ANK3: variants seen among roughly 807,000 people sequenced by gnomAD.
ANK3 encodes the protein ankyrin 3, also known as ankyrin-3.
In ANK3, 57 loss-of-function variants were observed where a neutral mutation model predicts 370.9. The ratio of observed to expected loss-of-function variants is 0.15; its 90% CI spans 0.12 to 0.19. ANK3 has a LOEUF of 0.19. Among genes scored for constraint, ANK3 ranks in the 10% least tolerant of loss-of-function variants. The pLI is 1.00. For synonymous variants in ANK3, 1,929 were observed against 1,946.3 expected (o/e 0.99, Z 0.23); for missense variants, 4,439 against 5,302.1 (o/e 0.84, Z 5.06).
rs534347033 is a variant in ANK3 at position 60,508,797 on chromosome 10, C to T, written c.96+106389G>A. 5.9e-5 allele frequency among the ~76,000 whole-genome samples: 9 copies of T among 152,264 alleles called. No individual in the cohort carries two copies. The South Asian group carries it at 1.2e-3, about 21-fold the overall frequency. On this transcript the variant is annotated intron_variant, in intron 2 of 43. Transcript: ENST00000373827. ...CTTGAAAATAGAAGGTCCCTTCCCC[C>T]ACCTACAATCTATAAATTCTTTGAC...
Position 60,633,733 on chromosome 10 carries a change from A to G in ANK3, c.58-18509T>C, listed in dbSNP as rs1422576019. ...TTCTGGATAACTATAGGTGATATTT[A>G]CAAATATGCAACATGGTAAAGGAAA... On this transcript the variant is annotated intron_variant, in intron 1 of 43. Coordinates refer to the ANK3 transcript ENST00000373827. Among the ~76,000 whole-genome samples, 3 of 152,316 alleles carry G rather than the reference A, an allele frequency of 2.0e-5. No individual in the cohort carries two copies. In the East Asian group the frequency reaches 5.8e-4, roughly 29 times the overall value.
At chr10:60,044,261 T>C in intron 42 of ANK3, 1 of 984,960 alleles carries the variant, frequency 1.0e-6, no homozygotes, top group African/African-American at 1.8e-5. Context: ...TGAATGATGA[T>C]TACTTTTCTG....
At chr10:60,381,340 A>G (rs2061521644) in intron 1 of ANK3, among the ~76,000 whole-genome samples, 1 of 152,196 alleles carries the variant, frequency 6.6e-6, no homozygotes, top group African/African-American at 2.4e-5. Context: ...TGCCTCAGCA[A>G]TCATTTAGCT....
chr10:60,680,743 C>G (rs917378107), intron 1 of ANK3, among the ~76,000 whole-genome samples: 9 of 152,198 alleles, frequency 5.9e-5, no homozygotes, highest in South Asian at 2.1e-4. Flanking sequence ...GTTGATAAGA[C>G]AGCAGGGTGC....
At chr10:60,494,824 T>G (rs1170579362) in intron 2 of ANK3, among the ~76,000 whole-genome samples, 1 of 152,158 alleles carries the variant, frequency 6.6e-6, no homozygotes, top group African/African-American at 2.4e-5. Context: ...TAGCACAGAT[T>G]TGATGGTATA....
chr10:60,230,616 T>C lies in ANK3; in HGVS notation c.897+4072A>G, dbSNP rs556469361. 7.2e-5 allele frequency among the ~76,000 whole-genome samples: 11 copies of C among 152,172 alleles called. No homozygotes were observed. In the South Asian group the frequency reaches 2.3e-3, roughly 32 times the overall value. On this transcript the variant is annotated intron_variant, in intron 8 of 43. Transcript: ENST00000280772. ...AAACATGAAGGGTTTGGGGGCTGGG[T>C]GCGGTGGCTCACGCCTGTAATCCCA...
rs536449892 is a variant in ANK3, at chr10:60,069,313, C to A, written c.11568G>T (p.Leu3856Phe). ...VLGEQQKTKELIGIRQKSKLP... is the reference protein window; with the variant it reads ...VLGEQQKTKEFIGIRQKSKLP... The stretch of plus-strand genomic sequence containing the variant: ...GTTTGGATTTTTGCCTAATCCCTAT[C>A]AATTCCTTTGTTTTTTGCTGTTCTC... The change falls in exon 37 of 44, where the codon TTG becomes TTT. Residue 3856 changes from leucine (L) to phenylalanine (F), a missense_variant. This residue lies in a region of ANK3 where 496 missense variants were observed against 529.3 expected (regional missense o/e 0.94). Coordinates refer to ENST00000280772, the MANE Select transcript of ANK3 (RefSeq NM_020987.5). 4 of 1,614,074 alleles carry A rather than the reference C, an allele frequency of 2.5e-6. No individual in the cohort carries two copies. Among genetic ancestry groups the A allele is most frequent in the South Asian group, 2.2e-5 (2 of 91,078 alleles).
At chr10:60,657,112 G>T (rs192098632) in intron 1 of ANK3, among the ~76,000 whole-genome samples, 8 of 152,292 alleles carry the variant, frequency 5.3e-5, no homozygotes, top group Non-Finnish European at 1.0e-4. Context: ...CACATCTTAT[G>T]TTGATGGCAG....
intron 1 of ANK3, among the ~76,000 whole-genome samples, chr10:60,643,108 CTGGTGACAGACCGTGA>C (rs1413620680): frequency 2.0e-5 from 3 of 152,206 alleles, no homozygotes; most frequent in South Asian, 4.1e-4. Flanking sequence ...CTTCCTTGAC[CTGGTGACAGACCGTGA>C]TGGTTAATAG....
In ANK3 at chr10:60,070,102, G is replaced by A. The variant is rs1318010221; in HGVS notation, c.10779C>T (p.Thr3593=). The change falls in exon 37 of 44, where the codon ACC becomes ACT. Residue 3593 remains threonine (T), a synonymous_variant. Coordinates refer to ENST00000280772, the MANE Select transcript of ANK3 (RefSeq NM_020987.5). This position sits in a 1 kb window ranked among gnomAD's most constrained non-coding sequence, Gnocchi z 5.7. ...TPARTPTDES[T]PTSEPNPFPF... is the part of the protein sequence containing the mutation. ...GGAAGGGGTTAGGCTCACTAGTTGG[G>A]GTACTTTCATCAGTTGGCGTTCTGG... 1.9e-6 allele frequency: 3 copies of A among 1,614,126 alleles called. No individual in the cohort carries two copies. Among genetic ancestry groups the A allele is most frequent in the Non-Finnish European group, 2.5e-6 (3 of 1,179,994 alleles).
chr10:60,384,340 G>A (rs2061962262), intron 1 of ANK3, among the ~76,000 whole-genome samples: 1 of 152,148 alleles, frequency 6.6e-6, no homozygotes, highest in South Asian at 2.1e-4. Context: ...TTACTGCAGA[G>A]GGTAAGAAAA....
chr10:60,443,956 A>G (rs942466618), intron 2 of ANK3, among the ~76,000 whole-genome samples: 1 of 152,166 alleles, frequency 6.6e-6, no homozygotes, highest in Middle Eastern at 3.4e-3. Context: ...TACATTTACC[A>G]AGGTACCTTG....
chr10:60,451,573 T>C (rs916584748), intron 2 of ANK3, among the ~76,000 whole-genome samples: 5 of 152,192 alleles, frequency 3.3e-5, no homozygotes, highest in African/African-American at 1.2e-4. Context: ...AAATGTAAGC[T>C]TCACTTCCTA....
intron 9 of ANK3, among the ~76,000 whole-genome samples, chr10:60,209,354 A>C (rs1198375161): frequency 6.6e-6 from 1 of 152,206 alleles, no homozygotes; most frequent in Non-Finnish European, 1.5e-5. Context: ...TTTGCTCTGA[A>C]TTTATCAATG....
At chr10:60,258,332 G>A (rs1241573893) in intron 7 of ANK3, among the ~76,000 whole-genome samples, 2 of 152,008 alleles carry the variant, frequency 1.3e-5, no homozygotes, top group Non-Finnish European at 2.9e-5. Flanking sequence ...AGATCTCCAA[G>A]GATAATCCAA....
chr10:60,084,758 T>C lies in ANK3; in HGVS notation c.3918A>G (p.Ile1306Met), dbSNP rs764495480. 11 of 1,612,620 alleles carry C rather than the reference T, an allele frequency of 6.8e-6. No homozygotes were observed. The South Asian group carries it at 1.2e-4, about 18-fold the overall frequency. The change falls in exon 32 of 44, where the codon ATA becomes ATG. Residue 1306 changes from isoleucine to methionine, a missense_variant. Physicochemically the swap from Ile to Met is conservative, Grantham distance 10. This residue lies in a region of ANK3 where 702 missense variants were observed against 941.5 expected (regional missense o/e 0.75). Transcript: ENST00000280772. ...GLATQLYREL[I>M]CVPYMAKFVV... ...CAAACTTGGCCATATATGGAACACA[T>C]ATCAATTCTCTGTACAGTTGCGTGG...
intron 2 of ANK3, chr10:60,572,510 C>T (rs1435333508): frequency 6.5e-7 from 1 of 1,535,254 alleles, no homozygotes; most frequent in Non-Finnish European, 8.7e-7. Flanking sequence ...CATTTTTCTC[C>T]TTTGGTTCTT....
intron 1 of ANK3, among the ~76,000 whole-genome samples, chr10:60,291,757 A>G (rs971938912): frequency 2.6e-5 from 4 of 152,044 alleles, no homozygotes; most frequent in African/African-American, 9.7e-5. Context: ...ACCCCCAGAC[A>G]GTCTGTCTCT....
chr10:60,187,962 C>T (rs549417649), intron 16 of ANK3, among the ~76,000 whole-genome samples: 19 of 152,268 alleles, frequency 1.2e-4, no homozygotes, highest in African/African-American at 4.1e-4. Context: ...CAAGCCTCAA[C>T]CCCTACCCCC....
Sources: allele counts gnomAD v4.1 joint callset (sites outside exome capture counted in the v4.1 genomes callset), GRCh38; gene constraint gnomAD v4.1.1; regional missense constraint gnomAD v4.1.1; non-coding constraint Gnocchi (gnomAD v3.1); transcripts MANE v1.5; gene names NCBI Gene and HGNC (gene_info 2026-07-23, HGNC 2026-07-21).